The following KIAA0319L variants were observed in gnomAD, a reference collection of about 807,000 sequenced individuals.
KIAA0319L encodes KIAA0319 like, also known as dyslexia-associated protein KIAA0319-like protein.
Under a neutral mutation model 120.1 loss-of-function variants are expected in KIAA0319L, and 55 were observed. The ratio of observed to expected loss-of-function variants is 0.46; its 90% CI spans 0.37 to 0.57. The LOEUF (loss-of-function observed/expected upper bound fraction) is 0.57, where lower values mean the gene tolerates loss of function less well. Ranked by LOEUF, KIAA0319L falls within the 20% of genes least tolerant of loss-of-function variation. KIAA0319L has a pLI of 0.00. For missense variants in KIAA0319L, 1,049 were observed against 1,255.3 expected, an observed-to-expected ratio of 0.84 and a Z score of 2.48; for synonymous variants, 398 against 471.9, an observed-to-expected ratio of 0.84 and a Z score of 2.03.
At chr1:35,457,930 G>GT (rs1025687033) in intron 9 of KIAA0319L, among the ~76,000 whole-genome samples, 1 of 151,994 alleles carries the variant, frequency 6.6e-6, no homozygotes, top group Non-Finnish European at 1.5e-5. Context: ...ACAGGTTTGG[G>GT]TTTTTTTGTT....
intron 9 of KIAA0319L, among the ~76,000 whole-genome samples, chr1:35,459,159 G>A (rs1413452290): frequency 3.3e-5 from 5 of 152,108 alleles, no homozygotes; most frequent in African/African-American, 1.2e-4. Flanking sequence ...CTCCTGTCTG[G>A]AGGGATCTCA....
At chr1:35,491,312 T>C (rs1356847093) in intron 3 of KIAA0319L, among the ~76,000 whole-genome samples, 4 of 152,124 alleles carry the variant, frequency 2.6e-5, no homozygotes, top group Non-Finnish European at 5.9e-5. Context: ...TTTCCCAAAT[T>C]TGAAGAAAAC....
chr1:35,462,698 C>T lies in KIAA0319L; in HGVS notation c.1217G>A (p.Arg406Gln), dbSNP rs190551485. 9.9e-6 allele frequency: 16 copies of T among 1,613,786 alleles called. No homozygotes were observed. Among genetic ancestry groups the T allele is most frequent in the Admixed American group, 8.3e-5 (5 of 60,010 alleles). Reference sequence around the variant, plus strand: ...AGGTGACACAATAGCAATGGGGGGCCGATTCTTACGGGGCTCTGCAAGAAA... The same window carrying T: ...AGGTGACACAATAGCAATGGGGGGCTGATTCTTACGGGGCTCTGCAAGAAA... ...VTVKPEPRKNRPPIAIVSPQF... is the reference protein window; with the variant it reads ...VTVKPEPRKNQPPIAIVSPQF... The change falls in exon 8 of 21, where the codon CGG becomes CAG. Residue 406 changes from arginine to glutamine, a missense_variant. Coordinates refer to ENST00000325722, the MANE Select transcript of KIAA0319L (RefSeq NM_024874.5).
In KIAA0319L at chr1:35,554,431, A is replaced by C; in HGVS notation, c.61T>G (p.Trp21Gly). The C allele has an allele frequency of 6.2e-7, 1 of 1,613,450 alleles. No homozygotes were observed. The highest frequency in any genetic ancestry group is 2.2e-5 in the East Asian group (1 of 44,864). The change falls in exon 2 of 21, where the codon TGG (tryptophan) becomes GGG (glycine). Residue 21 changes from tryptophan (W) to glycine (G), a missense_variant. Trp to Gly is a radical substitution (Grantham distance 184, BLOSUM62 -2). Coordinates refer to ENST00000325722, the MANE Select transcript of KIAA0319L (RefSeq NM_024874.5). ...PASWILSGYY[W>G]QTSAKWLRSL... is the part of the protein sequence containing the mutation. ...CTCAACCACTTCGCAGATGTCTGCC[A>C]ATAATATCCTGATAAAATCCAGGAA...
At chr1:35,518,580 A>C (rs1438265809) in intron 2 of KIAA0319L, among the ~76,000 whole-genome samples, 3 of 152,156 alleles carry the variant, frequency 2.0e-5, no homozygotes, top group African/African-American at 7.2e-5. Flanking sequence ...GAGGAAGAGG[A>C]GCAGAAAAAA....
At chr1:35,526,200 T>C (rs1035303913) in intron 2 of KIAA0319L, among the ~76,000 whole-genome samples, 6 of 151,270 alleles carry the variant, frequency 4.0e-5, no homozygotes, top group African/African-American at 1.5e-4. Flanking sequence ...TCTATGTGAC[T>C]GTCTGTTTTT....
chr1:35,479,258 T>C (rs774884942), intron 3 of KIAA0319L, 46 bp from the exon 4 acceptor site: 1 of 1,518,062 alleles, frequency 6.6e-7, no homozygotes, highest in Non-Finnish European at 9.0e-7. Flanking sequence ...AGTTACATAA[T>C]TTTTCAGGTT....
chr1:35,463,100 G>A (rs1040129853), intron 7 of KIAA0319L, among the ~76,000 whole-genome samples: 2 of 152,224 alleles, frequency 1.3e-5, no homozygotes, highest in Non-Finnish European at 2.9e-5. Context: ...ACCTCCTGCT[G>A]TGCAGCCCAG....
chr1:35,487,434 T>G (rs1220386638), intron 3 of KIAA0319L, among the ~76,000 whole-genome samples: 1 of 152,178 alleles, frequency 6.6e-6, no homozygotes, highest in Non-Finnish European at 1.5e-5. Context: ...TTTGTATTTT[T>G]AGTAGAGACG....
intron 2 of KIAA0319L, among the ~76,000 whole-genome samples, chr1:35,516,867 CA>C (rs1309422031): frequency 2.9e-4 from 44 of 152,036 alleles, no homozygotes; most frequent in Non-Finnish European, 2.9e-4. Flanking sequence ...TTTCAGGAGA[CA>C]AAAATCAATG....
chr1:35,551,887 AC>A (rs1647226534), intron 2 of KIAA0319L, among the ~76,000 whole-genome samples: 1 of 152,184 alleles, frequency 6.6e-6, no homozygotes, highest in Non-Finnish European at 1.5e-5. Context: ...GTTTTTAAGC[AC>A]CAAGCTCAAG....
At chr1:35,462,910 G>T (rs939487786) in intron 7 of KIAA0319L, among the ~76,000 whole-genome samples, 197 bp from the exon 8 acceptor site, 3 of 152,078 alleles carry the variant, frequency 2.0e-5, no homozygotes, top group Admixed American at 1.3e-4. Context: ...GCAGTGCATG[G>T]TTTTGGGATG....
At chr1:35,510,664 A>G (rs896801278) in intron 2 of KIAA0319L, 1 of 151,994 alleles carries the variant, frequency 6.6e-6, no homozygotes, top group Non-Finnish European at 1.5e-5. Flanking sequence ...GCTGGAGAGC[A>G]GTGGCACATC....
intron 4 of KIAA0319L, 115 bp from the exon 5 acceptor site, chr1:35,475,021 TACTA>T (rs1414704857): frequency 3.5e-5 from 22 of 623,466 alleles, no homozygotes; most frequent in East Asian, 9.2e-5. Flanking sequence ...TGCCATCAAT[TACTA>T]ACTTTTTTCT....
intron 3 of KIAA0319L, among the ~76,000 whole-genome samples, chr1:35,487,626 C>G (rs1045282393): frequency 2.0e-5 from 3 of 152,190 alleles, no homozygotes; most frequent in African/African-American, 7.2e-5. Context: ...GGGGCCTGTT[C>G]TCATTGTACT....
At chr1:35,510,597 T>TATTTATTTA (rs1369818980) in intron 2 of KIAA0319L, 1 of 150,292 alleles carries the variant, frequency 6.7e-6, no homozygotes, top group African/African-American at 2.4e-5. Context: ...TTTATTTATT[T>TATTTATTTA]ATTTATTTAT....
chr1:35,556,246 G>A (rs1044043367), intron 1 of KIAA0319L, among the ~76,000 whole-genome samples: 2 of 152,204 alleles, frequency 1.3e-5, no homozygotes, highest in African/African-American at 2.4e-5. Context: ...AGACAGAGCA[G>A]GGGGTAATGT....
In KIAA0319L at chr1:35,442,919, T is replaced by TC. The variant is rs1641332967; in HGVS notation, c.2765dup (p.Asp923ArgfsTer5). 6.2e-7 allele frequency: 1 copy of TC among 1,614,058 alleles called. No individual in the cohort carries two copies. The highest frequency in any genetic ancestry group is 8.5e-7 in the Non-Finnish European group (1 of 1,180,028). On this transcript the variant is annotated frameshift_variant, in exon 18 of 21. Transcript: ENST00000325722. LOFTEE classifies it high-confidence loss of function. ...TAGAAAACTCACCACAGTTGCTGTC[T>TC]CCATCCCTCAGCTGCACCTTGATGA... is the stretch of plus-strand genomic sequence containing the variant.
chr1:35,448,696 G>A (rs1266537495), intron 15 of KIAA0319L, among the ~76,000 whole-genome samples: 1 of 152,178 alleles, frequency 6.6e-6, no homozygotes, highest in Non-Finnish European at 1.5e-5. Flanking sequence ...CCAAGTGGGG[G>A]TTATTAAGCA....
Sources: allele counts gnomAD v4.1 joint callset (sites outside exome capture counted in the v4.1 genomes callset), GRCh38; gene constraint gnomAD v4.1.1; transcripts MANE v1.5; gene names NCBI Gene and HGNC (gene_info 2026-07-23, HGNC 2026-07-21).